Variants in CNTNAP2 observed in about 807,000 individuals in gnomAD.
CNTNAP2 encodes the protein contactin-associated protein-like 2.
A neutral mutation model predicts 155.2 loss-of-function variants in CNTNAP2; 98 were observed. That is an observed-to-expected ratio of 0.63 (90% confidence interval 0.54 to 0.75). CNTNAP2 has a LOEUF of 0.75. Among genes scored for constraint, CNTNAP2 ranks in the 30% least tolerant of loss-of-function variants. CNTNAP2 has a pLI of 0.00. For synonymous variants in CNTNAP2, 651 were observed against 631.2 expected (o/e 1.03, Z -0.47); for missense variants, 1,727 against 1,688.1 (o/e 1.02, Z -0.40).
intron 3 of CNTNAP2, among the ~76,000 whole-genome samples, chr7:147,037,186 C>T (rs1221440681): frequency 1.3e-5 from 2 of 151,794 alleles, no homozygotes; most frequent in African/African-American, 2.4e-5. Flanking sequence ...AATATGAACA[C>T]TATATTAGAT....
intron 15 of CNTNAP2, among the ~76,000 whole-genome samples, chr7:148,010,290 G>A (rs898821857): frequency 6.6e-6 from 1 of 151,640 alleles, no homozygotes; most frequent in Admixed American, 6.6e-5. Flanking sequence ...TACTGCAGCT[G>A]TCATCTCCTA....
At chr7:148,314,411 G>A (rs910371298) in intron 21 of CNTNAP2, among the ~76,000 whole-genome samples, 11 of 152,154 alleles carry the variant, frequency 7.2e-5, no homozygotes, top group Admixed American at 6.5e-4. Context: ...TTTGTACTGG[G>A]GTCAAGCGGC....
At chr7:146,731,122 C>T (rs1033823245) in intron 1 of CNTNAP2, among the ~76,000 whole-genome samples, 1 of 152,102 alleles carries the variant, frequency 6.6e-6, no homozygotes, top group Non-Finnish European at 1.5e-5. Context: ...AAAGTCAAAT[C>T]ACTAGTGAAT....
intron 1 of CNTNAP2, among the ~76,000 whole-genome samples, chr7:146,440,673 A>T (rs888838207): frequency 6.6e-6 from 1 of 151,584 alleles, no homozygotes; most frequent in African/African-American, 2.4e-5. Context: ...ACAATTTTCC[A>T]TTGTTTTAAA....
chr7:146,623,953 A>G (rs1799375887), intron 1 of CNTNAP2, among the ~76,000 whole-genome samples: 1 of 152,086 alleles, frequency 6.6e-6, no homozygotes, highest in Non-Finnish European at 1.5e-5. Flanking sequence ...TCGCCATTCT[A>G]GTAGTTCCGT....
intron 13 of CNTNAP2, among the ~76,000 whole-genome samples, chr7:147,705,837 T>C (rs1796305685): frequency 6.6e-6 from 1 of 152,182 alleles, no homozygotes; most frequent in South Asian, 2.1e-4. Context: ...GTTTTTGACT[T>C]AAAGTCTGTG....
chr7:146,818,554 C>A (rs552229882), intron 2 of CNTNAP2, among the ~76,000 whole-genome samples: 49 of 152,028 alleles, frequency 3.2e-4, no homozygotes, highest in Non-Finnish European at 6.2e-4. Flanking sequence ...AGAAAGCACA[C>A]GATGCGGAAT....
chr7:147,079,479 G>GAT (rs1800070523), intron 4 of CNTNAP2, among the ~76,000 whole-genome samples: 1 of 151,774 alleles, frequency 6.6e-6, no homozygotes, highest in Non-Finnish European at 1.5e-5. Context: ...AGCATTAGGA[G>GAT]ATATACCTAA....
At chr7:147,692,631 G>T (rs951464514) in intron 13 of CNTNAP2, among the ~76,000 whole-genome samples, 1 of 151,960 alleles carries the variant, frequency 6.6e-6, no homozygotes, top group Non-Finnish European at 1.5e-5. Flanking sequence ...ATGCTTATCT[G>T]CCATCTGTAT....
At chr7:147,884,494 G>GAA (rs35756362) in intron 13 of CNTNAP2, among the ~76,000 whole-genome samples, 29 of 145,930 alleles carry the variant, frequency 2.0e-4, no homozygotes, top group African/African-American at 4.7e-4. Context: ...TGCCTCGCCA[G>GAA]AAAAAAAAAA....
chr7:147,442,964 C>A (rs1797668406), intron 10 of CNTNAP2, among the ~76,000 whole-genome samples: 1 of 152,044 alleles, frequency 6.6e-6, no homozygotes, highest in South Asian at 2.1e-4. Flanking sequence ...AGTTGTACAG[C>A]CTGGAATTAG....
chr7:148,255,107 A>G (rs1019524362), intron 20 of CNTNAP2, among the ~76,000 whole-genome samples: 3 of 152,200 alleles, frequency 2.0e-5, no homozygotes, highest in Admixed American at 6.5e-5. Context: ...AAAACCATGA[A>G]CTATTCTCAC....
chr7:147,257,838 T>G (rs1362494260), intron 8 of CNTNAP2, among the ~76,000 whole-genome samples: 1 of 152,138 alleles, frequency 6.6e-6, no homozygotes, highest in African/African-American at 2.4e-5. Flanking sequence ...TGTAATAGGT[T>G]GAGTGACTAG....
intron 13 of CNTNAP2, among the ~76,000 whole-genome samples, chr7:147,738,582 A>C (rs1252141392): frequency 6.6e-6 from 1 of 152,080 alleles, no homozygotes; most frequent in Non-Finnish European, 1.5e-5. Flanking sequence ...TTTTAAATTA[A>C]GGTATGTACA....
intron 13 of CNTNAP2, among the ~76,000 whole-genome samples, chr7:147,860,677 C>T (rs1365871565): frequency 1.3e-5 from 2 of 151,940 alleles, no homozygotes; most frequent in Admixed American, 1.3e-4. Flanking sequence ...GATTCCCCTT[C>T]TACTTCTGCC....
At chr7:147,963,945 T>C (rs975172123) in intron 14 of CNTNAP2, among the ~76,000 whole-genome samples, 1 of 152,150 alleles carries the variant, frequency 6.6e-6, no homozygotes. Context: ...AAACATTATA[T>C]ATAACCATTA....
In CNTNAP2 at chr7:146,596,598, AGAGAGAG is replaced by A. The variant is rs1798863087; in HGVS notation, c.98-177672_98-177666del. Among the ~76,000 whole-genome samples, 182 of 37,416 alleles carry A rather than the reference AGAGAGAG, an allele frequency of 4.9e-3. 1 individual carries two copies. Among genetic ancestry groups the A allele is most frequent in the African/African-American group, 0.029 (177 of 6,182 alleles). 24.5% of individuals were successfully genotyped at this position (37,416 alleles called of 152,430 possible). A position where few individuals can be genotyped will look rare whatever the true frequency, so the allele number is the denominator to read the frequency against. On this transcript the variant is annotated intron_variant, in intron 1 of 23. Coordinates refer to ENST00000361727, the MANE Select transcript of CNTNAP2 (RefSeq NM_014141.6). Reference sequence around the variant, plus strand: ...AAAGAGAGAGATAGAAGGGAGACAGAGAGAGAGAGAGAGAGAGAGAGAGAGAGAGAGA... The same window carrying A: ...AAAGAGAGAGATAGAAGGGAGACAGAAGAGAGAGAGAGAGAGAGAGAGAGA...
chr7:146,388,728 T>A (rs1379743590), intron 1 of CNTNAP2, among the ~76,000 whole-genome samples: 2 of 152,200 alleles, frequency 1.3e-5, no homozygotes, highest in Admixed American at 6.5e-5. Context: ...TTTTTGTACC[T>A]GTTAACCATC....
At chr7:146,156,728 G>A (rs1798132055) in intron 1 of CNTNAP2, among the ~76,000 whole-genome samples, 2 of 152,056 alleles carry the variant, frequency 1.3e-5, no homozygotes, top group Admixed American at 1.3e-4. Flanking sequence ...TCAGCCTCCT[G>A]AGTAGCTGGG....
Sources: allele counts gnomAD v4.1 joint callset (sites outside exome capture counted in the v4.1 genomes callset), GRCh38; gene constraint gnomAD v4.1.1; transcripts MANE v1.5; gene names NCBI Gene and HGNC (gene_info 2026-07-23, HGNC 2026-07-21).